The following NCK2 variants were observed in gnomAD, a reference collection of about 807,000 sequenced individuals.
NCK2 encodes cytoplasmic protein NCK2.
A neutral mutation model predicts 33.9 loss-of-function variants in NCK2; 16 were observed. The ratio of observed to expected loss-of-function variants is 0.47; its 90% confidence interval spans 0.32 to 0.72. The LOEUF is 0.72. NCK2 is among the 30% of genes least tolerant of loss of function. NCK2 has a pLI of 0.03. For missense variants in NCK2, 418 were observed against 537.3 expected (o/e 0.78, Z 2.19); for synonymous variants, 273 against 239.9 (o/e 1.14, Z -1.27).
chr2:105,757,010 G>C (rs1436764767), intron 1 of NCK2, among the ~76,000 whole-genome samples: 1 of 152,014 alleles, frequency 6.6e-6, no homozygotes, highest in East Asian at 1.9e-4. Flanking sequence ...TCTTCATGTT[G>C]GTCAGGTTGG....
intron 1 of NCK2, among the ~76,000 whole-genome samples, chr2:105,773,032 C>T (rs752696692): frequency 1.1e-4 from 16 of 151,548 alleles, no homozygotes; most frequent in Non-Finnish European, 2.2e-4. Flanking sequence ...GCTGGGACTA[C>T]AGGTGTGTAG....
chr2:105,850,267 C>T (rs1201983331), intron 2 of NCK2, among the ~76,000 whole-genome samples: 1 of 152,162 alleles, frequency 6.6e-6, no homozygotes, highest in African/African-American at 2.4e-5. Context: ...TGGCTACTAT[C>T]AGGAGTGTGT....
At chr2:105,830,423 G>C (rs1433692739) in intron 2 of NCK2, among the ~76,000 whole-genome samples, 1 of 151,950 alleles carries the variant, frequency 6.6e-6, no homozygotes, top group East Asian at 1.9e-4. Flanking sequence ...TTTTTTTCTG[G>C]CTGAATAGTA....
At chr2:105,855,439 GAGATGA>G (rs1677222692) in intron 3 of NCK2, 150 bp downstream of exon 3, 3 of 636,194 alleles carry the variant, frequency 4.7e-6, no homozygotes, top group Non-Finnish European at 8.0e-6. Context: ...TAAGAATTAA[GAGATGA>G]AGATGGAGAA....
chr2:105,768,825 G>A (rs1318919869), intron 1 of NCK2, among the ~76,000 whole-genome samples: 1 of 152,214 alleles, frequency 6.6e-6, no homozygotes, highest in African/African-American at 2.4e-5. Context: ...CCCAAAGGAA[G>A]TGACACATGG....
In NCK2 at chr2:105,855,229, G is replaced by A. The variant is rs761188698; in HGVS notation, c.166G>A (p.Val56Met). The A allele has an allele frequency of 4.3e-6, 7 of 1,613,798 alleles. No homozygotes were observed. Among genetic ancestry groups the A allele is most frequent in the Non-Finnish European group, 5.1e-6 (6 of 1,179,900 alleles). ...NRTGYVPSNY[V>M]ERKNSLKKGS... The stretch of plus-strand genomic sequence containing the variant: ...GACGGGCTATGTACCGTCCAACTAC[G>A]TGGAGCGGAAGAACAGCCTGAAGAA... The change falls in exon 3 of 5, where the codon GTG becomes ATG. Residue 56 changes from valine to methionine, a missense_variant. Transcript: ENST00000233154.
chr2:105,822,260 G>A (rs563719355), intron 2 of NCK2, among the ~76,000 whole-genome samples: 27 of 152,212 alleles, frequency 1.8e-4, no homozygotes, highest in African/African-American at 6.5e-4. Flanking sequence ...TGAATCCCCC[G>A]AGGGCCTCTG....
At chr2:105,789,131 C>G (rs1690784026) in intron 1 of NCK2, among the ~76,000 whole-genome samples, 1 of 152,116 alleles carries the variant, frequency 6.6e-6, no homozygotes, top group Admixed American at 6.5e-5. Flanking sequence ...CCCTCGGCTC[C>G]CATAGCGGGT....
At chr2:105,819,703 T>C (rs1045705836) in intron 2 of NCK2, among the ~76,000 whole-genome samples, 1 of 152,212 alleles carries the variant, frequency 6.6e-6, no homozygotes, top group Non-Finnish European at 1.5e-5. Context: ...CTTACAAAAA[T>C]ATCTACCCAT....
intron 1 of NCK2, among the ~76,000 whole-genome samples, chr2:105,809,613 T>C (rs1408471861): frequency 2.0e-5 from 3 of 152,176 alleles, no homozygotes; most frequent in Admixed American, 1.3e-4. Context: ...TACTGGGTGT[T>C]GAGACTTCAA....
At chr2:105,864,180 A>G (rs1334795715) in intron 3 of NCK2, among the ~76,000 whole-genome samples, 1 of 151,236 alleles carries the variant, frequency 6.6e-6, no homozygotes, top group Non-Finnish European at 1.5e-5. Flanking sequence ...CTTAAGGGGG[A>G]GATGAGTGCT....
At chr2:105,758,418 T>G (rs1045262712) in intron 1 of NCK2, among the ~76,000 whole-genome samples, 7 of 150,374 alleles carry the variant, frequency 4.7e-5, no homozygotes, top group African/African-American at 1.2e-4. Context: ...TTTTTGTTTT[T>G]TTTTTTTTTT....
rs1421842652 is a variant in NCK2 at position 105,886,107 on chromosome 2, G to A, written c.948+4058G>A. Among the ~76,000 whole-genome samples the A allele has an allele frequency of 3.9e-5, 6 of 152,364 alleles. 1 individual carries two copies. The highest frequency in any genetic ancestry group is 1.2e-4 in the African/African-American group (5 of 41,584). ...TAAGATGACTTAACCTTAGGTTGCT[G>A]TGAGCAGTGCCTGTAGGCATCTTTC... On this transcript the variant is annotated intron_variant, in intron 4 of 4. Transcript: ENST00000233154.
At chr2:105,782,034 G>A (rs1182599999) in intron 1 of NCK2, among the ~76,000 whole-genome samples, 1 of 152,208 alleles carries the variant, frequency 6.6e-6, no homozygotes, top group Non-Finnish European at 1.5e-5. Flanking sequence ...CCCTCAAGCT[G>A]AGGGAGGAGC....
chr2:105,847,288 C>T (rs1431947068), intron 2 of NCK2: 1 of 150,288 alleles, frequency 6.7e-6, no homozygotes, highest in African/African-American at 2.5e-5. Context: ...GAACTGTACA[C>T]TTAAAAATGG....
chr2:105,786,439 A>G (rs1351906418), intron 1 of NCK2, among the ~76,000 whole-genome samples: 2 of 152,140 alleles, frequency 1.3e-5, no homozygotes, highest in Non-Finnish European at 2.9e-5. Flanking sequence ...CTGCCTTTGG[A>G]GACCTGGCTG....
intron 2 of NCK2, among the ~76,000 whole-genome samples, chr2:105,837,993 C>T (rs568926823): frequency 6.6e-6 from 1 of 152,176 alleles, no homozygotes; most frequent in East Asian, 1.9e-4. Flanking sequence ...GTGCTGTTTC[C>T]AACAGTTTCT....
chr2:105,812,620 G>A (rs2889602), intron 1 of NCK2, among the ~76,000 whole-genome samples: 1 of 152,014 alleles, frequency 6.6e-6, no homozygotes, highest in Admixed American at 6.5e-5. Flanking sequence ...TGAGAGCTCT[G>A]AGGCCTATGC....
intron 2 of NCK2, among the ~76,000 whole-genome samples, chr2:105,849,200 T>C (rs894365965): frequency 2.7e-4 from 41 of 152,178 alleles, no homozygotes; most frequent in Admixed American, 2.5e-3. Flanking sequence ...CTAGGCAACA[T>C]AGATATTTTT....
Sources: allele counts gnomAD v4.1 joint callset (sites outside exome capture counted in the v4.1 genomes callset), GRCh38; gene constraint gnomAD v4.1.1; transcripts MANE v1.5; gene names NCBI Gene and HGNC (gene_info 2026-07-23, HGNC 2026-07-21).